The following UBE2E2 variants were observed in gnomAD, a reference collection of about 807,000 sequenced individuals.
The protein encoded by UBE2E2 is ubiquitin conjugating enzyme E2 E2.
UBE2E2 carries 6 observed loss-of-function variants against 24.7 expected under a neutral mutation model. The ratio of observed to expected loss-of-function variants is 0.24; its 90% confidence interval spans 0.13 to 0.48. The LOEUF (loss-of-function observed/expected upper bound fraction) is 0.48. Among genes scored for constraint, UBE2E2 ranks in the 20% least tolerant of loss-of-function variants. The pLI is 0.99. For synonymous variants in UBE2E2, 104 were observed against 83.6 expected (o/e 1.24, Z -1.33); for missense variants, 169 against 245.0 (o/e 0.69, Z 2.07).
At chr3:23,501,633 A>G (rs908407724) in intron 4 of UBE2E2, among the ~76,000 whole-genome samples, 4 of 152,172 alleles carry the variant, frequency 2.6e-5, no homozygotes, top group Admixed American at 6.5e-5. Flanking sequence ...TTTAGGGACT[A>G]TGGTGTGGGT....
intron 3 of UBE2E2, among the ~76,000 whole-genome samples, chr3:23,336,912 G>A (rs1295712363): frequency 6.6e-6 from 1 of 152,124 alleles, no homozygotes; most frequent in East Asian, 1.9e-4. Context: ...GACTGAGGCG[G>A]GTGGATCAGT....
chr3:23,458,669 G>A (rs930648565), intron 3 of UBE2E2, among the ~76,000 whole-genome samples: 4 of 151,946 alleles, frequency 2.6e-5, no homozygotes, highest in African/African-American at 7.3e-5. Context: ...CGCCCACCTC[G>A]GCCTCCCAAA....
At chr3:23,457,578 G>A (rs931003579) in intron 3 of UBE2E2, among the ~76,000 whole-genome samples, 3 of 152,118 alleles carry the variant, frequency 2.0e-5, no homozygotes, top group African/African-American at 7.2e-5. Context: ...AGGCTGGAGT[G>A]CAGTGGCGTG....
intron 5 of UBE2E2, among the ~76,000 whole-genome samples, chr3:23,536,694 G>A (rs938177164): frequency 2.0e-5 from 3 of 152,146 alleles, no homozygotes; most frequent in African/African-American, 7.2e-5. Context: ...TTTGATATAT[G>A]GAATTTAGTT....
chr3:23,548,269 T>A (rs1405090826), intron 5 of UBE2E2, among the ~76,000 whole-genome samples: 1 of 152,230 alleles, frequency 6.6e-6, no homozygotes, highest in Non-Finnish European at 1.5e-5. Flanking sequence ...ATTATTTTTC[T>A]TACTCCTTTT....
At chr3:23,317,703 A>G (rs1298969368) in intron 3 of UBE2E2, among the ~76,000 whole-genome samples, 2 of 152,044 alleles carry the variant, frequency 1.3e-5, no homozygotes, top group Admixed American at 6.5e-5. Context: ...CTTACTCACT[A>G]TCATGAGAAC....
chr3:23,350,567 G>A (rs1695713722), intron 3 of UBE2E2, among the ~76,000 whole-genome samples: 1 of 152,334 alleles, frequency 6.6e-6, no homozygotes, highest in African/African-American at 2.4e-5. Flanking sequence ...GAAAGCCAAG[G>A]CTCGGGAACT....
chr3:23,239,664 T>G (rs1001412083), intron 3 of UBE2E2, among the ~76,000 whole-genome samples: 1 of 151,894 alleles, frequency 6.6e-6, no homozygotes, highest in African/African-American at 2.4e-5. Context: ...GAAGGTGAAA[T>G]AAGGGGGAGA....
intron 5 of UBE2E2, among the ~76,000 whole-genome samples, chr3:23,551,579 G>T (rs147367760): frequency 6.6e-6 from 1 of 152,346 alleles, no homozygotes; most frequent in African/African-American, 2.4e-5. Flanking sequence ...GGAAGTAAGA[G>T]AATCACAGAA....
intron 2 of UBE2E2, among the ~76,000 whole-genome samples, chr3:23,209,509 C>T (rs1386194597): frequency 6.6e-6 from 1 of 152,174 alleles, no homozygotes; most frequent in Non-Finnish European, 1.5e-5. Flanking sequence ...TAGAATATCT[C>T]TTGGAAAATA....
intron 3 of UBE2E2, among the ~76,000 whole-genome samples, chr3:23,343,869 T>G (rs4858070): frequency 1.3e-5 from 2 of 152,092 alleles, no homozygotes; most frequent in East Asian, 1.9e-4. Context: ...AGATTCGTAC[T>G]TATTTTATGT....
At chr3:23,587,188 C>T (rs1298947868) in intron 5 of UBE2E2, among the ~76,000 whole-genome samples, 1 of 152,214 alleles carries the variant, frequency 6.6e-6, no homozygotes, top group Non-Finnish European at 1.5e-5. Flanking sequence ...AAAGTTTGCA[C>T]AACGCACGCT....
chr3:23,511,453 G>T (rs1461117244), intron 4 of UBE2E2, among the ~76,000 whole-genome samples: 1 of 152,196 alleles, frequency 6.6e-6, no homozygotes, highest in Non-Finnish European at 1.5e-5. Flanking sequence ...CACCTGAGTG[G>T]GAAGTGCAGA....
chr3:23,238,374 T>C (rs1367287565), intron 3 of UBE2E2, among the ~76,000 whole-genome samples: 1 of 152,190 alleles, frequency 6.6e-6, no homozygotes, highest in Non-Finnish European at 1.5e-5. Flanking sequence ...CATGATCATG[T>C]ATATGAAAGC....
intron 3 of UBE2E2, among the ~76,000 whole-genome samples, chr3:23,398,281 C>T (rs1402307137): frequency 7.7e-6 from 1 of 129,934 alleles, no homozygotes; most frequent in African/African-American, 3.2e-5. Flanking sequence ...CCACTGCACT[C>T]CATTCTGGAC....
chr3:23,475,465 A>G (rs1449167609), intron 3 of UBE2E2, among the ~76,000 whole-genome samples: 1 of 151,986 alleles, frequency 6.6e-6, no homozygotes, highest in Non-Finnish European at 1.5e-5. Flanking sequence ...CTTATACCTC[A>G]GTCACTATAA....
chr3:23,422,496 G>A (rs577623515), intron 3 of UBE2E2, among the ~76,000 whole-genome samples: 11 of 152,198 alleles, frequency 7.2e-5, no homozygotes, highest in African/African-American at 2.4e-4. Flanking sequence ...TTTTTAAACT[G>A]AGCAGATAAA....
chr3:23,220,099 C>T (rs897650589), intron 3 of UBE2E2, among the ~76,000 whole-genome samples: 10 of 152,126 alleles, frequency 6.6e-5, no homozygotes, highest in South Asian at 2.1e-4. Flanking sequence ...TATCAAGTCA[C>T]CCCGAATCAC....
chr3:23,532,757 C>A, intron 5 of UBE2E2, 56 bp downstream of exon 5: 1 of 1,422,668 alleles, frequency 7.0e-7, no homozygotes, highest in Non-Finnish European at 9.4e-7. Flanking sequence ...AAATGTCAGA[C>A]CCTTAGTAAC....
Sources: allele counts gnomAD v4.1 joint callset (sites outside exome capture counted in the v4.1 genomes callset), GRCh38; gene constraint gnomAD v4.1.1; transcripts MANE v1.5; gene names NCBI Gene and HGNC (gene_info 2026-07-23, HGNC 2026-07-21).